KALRN: variants seen among roughly 807,000 people sequenced by gnomAD.
The protein encoded by KALRN is kalirin.
In KALRN, 70 loss-of-function variants were observed where a neutral mutation model predicts 353.7. The ratio of observed to expected loss-of-function variants is 0.20; its 90% CI spans 0.16 to 0.24. The LOEUF (loss-of-function observed/expected upper bound fraction) is 0.24. Ranked by LOEUF, KALRN falls within the 10% of genes least tolerant of loss-of-function variation. The pLI, the probability that KALRN is intolerant of heterozygous loss-of-function variation, is 1.00. For synonymous variants in KALRN, 1,391 were observed against 1,434.8 expected (o/e 0.97, Z 0.69); for missense variants, 2,791 against 3,756.7 (o/e 0.74, Z 6.72).
At position 124,622,036 on chromosome 3, in the gene KALRN, C is replaced by A. The variant is rs1229875981; in HGVS notation, c.5183-10384C>A. 2.0e-5 allele frequency among the ~76,000 whole-genome samples: 3 copies of A among 152,226 alleles called. No individual in the cohort carries two copies. The East Asian group carries it at 5.8e-4, about 29-fold the overall frequency. On this transcript the variant is annotated intron_variant, in intron 34 of 59. Transcript: ENST00000682506. ...GATATTTCTATAATTTTTATATTAG[C>A]AAATTATTTCTGGAAAGCAAAGAAA...
chr3:124,709,398 C>T (rs968651304), intron 57 of KALRN, among the ~76,000 whole-genome samples: 3 of 152,200 alleles, frequency 2.0e-5, no homozygotes, highest in African/African-American at 7.2e-5. Context: ...GTGCCTCAGT[C>T]TCCTGAGTAG....
At chr3:124,686,795 G>C (rs2061578054) in intron 51 of KALRN, among the ~76,000 whole-genome samples, 1 of 128,752 alleles carries the variant, frequency 7.8e-6, no homozygotes, top group Non-Finnish European at 1.6e-5. Flanking sequence ...AAACACTGGT[G>C]AGATTTTTTT....
At chr3:124,635,677 G>A (rs1191224683) in intron 36 of KALRN, among the ~76,000 whole-genome samples, 3 of 152,102 alleles carry the variant, frequency 2.0e-5, no homozygotes, top group Non-Finnish European at 4.4e-5. Context: ...TTGTGCAATT[G>A]TCTTCTCCTT....
intron 37 of KALRN, 45 bp downstream of exon 37, chr3:124,637,348 A>C: frequency 7.4e-7 from 1 of 1,354,602 alleles, no homozygotes; most frequent in Non-Finnish European, 1.1e-6. Flanking sequence ...TCTCACCTTC[A>C]CACTGCTCCA....
intron 1 of KALRN, among the ~76,000 whole-genome samples, chr3:124,074,335 G>C (rs1176444736): frequency 6.6e-6 from 1 of 152,216 alleles, no homozygotes; most frequent in East Asian, 1.9e-4. Context: ...CATTGAATGG[G>C]CACTGTCATG....
chr3:124,135,288 GCAT>G (rs1391287933), intron 1 of KALRN, among the ~76,000 whole-genome samples: 1 of 152,174 alleles, frequency 6.6e-6, no homozygotes, highest in African/African-American at 2.4e-5. Context: ...GGAAAACCAA[GCAT>G]CGTGTGTTCT....
chr3:124,069,338 G>GAGA (rs2042649411), intron 1 of KALRN, among the ~76,000 whole-genome samples: 1 of 112,114 alleles, frequency 8.9e-6, no homozygotes, highest in Non-Finnish European at 1.8e-5. Context: ...GGAGGAGGAG[G>GAGA]AGGAGGAGGA....
chr3:124,547,721 C>T (rs2069877162), intron 33 of KALRN, among the ~76,000 whole-genome samples: 1 of 152,178 alleles, frequency 6.6e-6, no homozygotes, highest in South Asian at 2.1e-4. Context: ...GCTCCCCTGT[C>T]ATGATGCTGG....
At chr3:124,563,954 C>T (rs540253247) in intron 34 of KALRN, among the ~76,000 whole-genome samples, 11 of 145,344 alleles carry the variant, frequency 7.6e-5, no homozygotes, top group Non-Finnish European at 1.6e-4. Context: ...TGCAGCAAGC[C>T]AAGATTGTGC....
chr3:124,231,525 G>T (rs1031000975), intron 2 of KALRN, among the ~76,000 whole-genome samples: 1 of 152,116 alleles, frequency 6.6e-6, no homozygotes, highest in African/African-American at 2.4e-5. Context: ...CCCTGGACCT[G>T]CATCTCTCAA....
chr3:124,201,205 C>T (rs1413880141), intron 1 of KALRN, among the ~76,000 whole-genome samples: 3 of 152,334 alleles, frequency 2.0e-5, no homozygotes, highest in Admixed American at 6.5e-5. Context: ...ATGCCAGGTC[C>T]AACCTCTTAC....
chr3:124,678,427 A>G, intron 50 of KALRN, 114 bp downstream of exon 50: 3 of 1,140,982 alleles, frequency 2.6e-6, no homozygotes, highest in Non-Finnish European at 3.7e-6. Flanking sequence ...CAGTATGGGT[A>G]CCAGAGGGGA....
rs34217738 is a variant in KALRN at position 124,047,659 on chromosome 3, A to ATT, written c.73+13854_73+13855dup. ...AGGCGCCCGCCACCACGCCTGGCTA[A>ATT]TTTTTTTTTATTTTTTTTTATTTTT... On this transcript the variant is annotated intron_variant, in intron 1 of 59. Coordinates refer to ENST00000682506, the MANE Select transcript of KALRN (RefSeq NM_001388419.1). Among the ~76,000 whole-genome samples, 52 of 125,034 alleles carry ATT rather than the reference A, an allele frequency of 4.2e-4. No individual in the cohort carries two copies. The East Asian group carries it at 8.2e-3, about 20-fold the overall frequency. The allele number at this position is 125,034 out of a possible 152,430, so 82.0% of individuals were successfully genotyped here.
chr3:124,569,341 C>T (rs1020508114), intron 34 of KALRN, among the ~76,000 whole-genome samples: 4 of 152,080 alleles, frequency 2.6e-5, no homozygotes, highest in Admixed American at 6.6e-5. Context: ...GGTGGAGAAC[C>T]GTGGATAAAA....
intron 1 of KALRN, among the ~76,000 whole-genome samples, chr3:124,124,396 A>G (rs1190921706): frequency 2.0e-5 from 3 of 152,242 alleles, no homozygotes; most frequent in African/African-American, 7.2e-5. Flanking sequence ...GCTGCTTCCT[A>G]TGATGAGCAA....
chr3:124,496,616 C>T (rs1313682639), intron 33 of KALRN, among the ~76,000 whole-genome samples: 8 of 152,076 alleles, frequency 5.3e-5, no homozygotes, highest in East Asian at 3.9e-4. Flanking sequence ...TGGAAGACTG[C>T]GGTGGTTCAG....
At chr3:124,296,467 A>T (rs745442978) in intron 5 of KALRN, among the ~76,000 whole-genome samples, 6 of 151,740 alleles carry the variant, frequency 4.0e-5, no homozygotes, top group African/African-American at 7.3e-5. Context: ...CTCTACTGCC[A>T]CTCCCGTAAT....
In KALRN at chr3:124,137,524, A is replaced by T. The variant is rs2066070324; in HGVS notation, c.74-90466A>T. Among the ~76,000 whole-genome samples, 3 of 152,162 alleles carry T rather than the reference A, an allele frequency of 2.0e-5. No homozygotes were observed. The South Asian group carries it at 6.2e-4, about 32-fold the overall frequency. ...AGGATGTGGTTGAAAAGGGGAAATG[A>T]ATGAATGCCACCTTGTCCTTGTTTG... On this transcript the variant is annotated intron_variant, in intron 1 of 59. Transcript: ENST00000682506.
chr3:124,578,803 G>A (rs562195102), intron 34 of KALRN, among the ~76,000 whole-genome samples: 2 of 152,202 alleles, frequency 1.3e-5, no homozygotes, highest in Admixed American at 1.3e-4. Flanking sequence ...CAAATATGGG[G>A]GTGAGTGCTA....
Sources: gnomAD v4.1 joint callset for allele counts (sites outside exome capture counted in the v4.1 genomes callset) on GRCh38, gnomAD v4.1.1 for gene constraint, MANE v1.5 for transcripts, NCBI Gene and HGNC (gene_info 2026-07-23, HGNC 2026-07-21) for gene names.